The following ABR variants were observed in gnomAD, a reference collection of about 807,000 sequenced individuals.
The protein encoded by ABR is active breakpoint cluster region-related protein.
In ABR, 35 loss-of-function variants were observed where a neutral mutation model predicts 107.2. The observed-to-expected ratio is 0.33, with a 90% confidence interval of 0.25 to 0.43. The LOEUF is 0.43. Among genes scored for constraint, ABR ranks in the 20% least tolerant of loss-of-function variants. The pLI is 1.00. For synonymous variants in ABR, 498 were observed against 462.0 expected, an observed-to-expected ratio of 1.08 and a Z score of -1.00; for missense variants, 815 against 1,115.2, an observed-to-expected ratio of 0.73 and a Z score of 3.83.
At chr17:1,190,580 C>T (rs1367641781), upstream of ABR, among the ~76,000 whole-genome samples, 5 of 152,182 alleles carry the variant, frequency 3.3e-5, no homozygotes, top group African/African-American at 1.2e-4. Context: ...GTGGAGGTTG[C>T]AGTGAGCTGA....
chr17:1,042,612 G>A (rs2030811202), intron 16 of ABR, among the ~76,000 whole-genome samples: 1 of 142,488 alleles, frequency 7.0e-6, no homozygotes, highest in South Asian at 2.4e-4. Flanking sequence ...TGGACGAAGA[G>A]ACGTGGCACC....
chr17:1,061,259 G>A (rs933809734), intron 10 of ABR, among the ~76,000 whole-genome samples: 6 of 151,838 alleles, frequency 4.0e-5, no homozygotes, highest in African/African-American at 1.4e-4. Context: ...GAGGCAGCAA[G>A]CCTCCCAGGG....
intron 1 of ABR, among the ~76,000 whole-genome samples, chr17:1,138,388 T>C (rs1275580200): frequency 6.6e-6 from 1 of 152,200 alleles, no homozygotes. Context: ...ATCTGGGTGT[T>C]AGTTACACAA....
chr17:1,016,917 C>A (rs1219986307), intron 16 of ABR, among the ~76,000 whole-genome samples: 4 of 152,110 alleles, frequency 2.6e-5, no homozygotes, highest in Non-Finnish European at 4.4e-5. Flanking sequence ...GGAAGGGAAA[C>A]TGGATCTGGG....
intron 16 of ABR, among the ~76,000 whole-genome samples, chr17:1,016,684 C>A (rs888366867): frequency 2.0e-5 from 3 of 152,036 alleles, no homozygotes; most frequent in African/African-American, 7.3e-5. Flanking sequence ...GGGCCAAGCC[C>A]CGACAGCCAG....
At chr17:1,173,127 CCCCCCACACATCACCTCAGTCCA>C in intron 1 of ABR, among the ~76,000 whole-genome samples, 1 of 116,822 alleles carries the variant, frequency 8.6e-6, no homozygotes, top group African/African-American at 3.4e-5. Flanking sequence ...CCTCAGTCCA[CCCCCCACACATCACCTCAGTCCA>C]CCCCCCACAC....
chr17:1,099,367 C>T (rs974875719), intron 3 of ABR, among the ~76,000 whole-genome samples: 4 of 152,174 alleles, frequency 2.6e-5, no homozygotes, highest in Admixed American at 6.5e-5. Context: ...TGAGCCACGG[C>T]GCCCGGCCTG....
intron 1 of ABR, among the ~76,000 whole-genome samples, chr17:1,221,409 A>G (rs1270731418): frequency 6.6e-6 from 1 of 152,162 alleles, no homozygotes; most frequent in Non-Finnish European, 1.5e-5. Flanking sequence ...GCTATTTCGG[A>G]CCAGGAGGTG....
intron 16 of ABR, chr17:1,039,564 T>G (rs1444199785): frequency 6.6e-6 from 1 of 151,986 alleles, no homozygotes. Flanking sequence ...CAGGTGGGAG[T>G]CTGGGCTGGA....
In ABR at chr17:1,005,862, G is replaced by A. The variant is rs1215997596; in HGVS notation, c.*218C>T. 3 of 600,964 alleles carry A rather than the reference G, an allele frequency of 5.0e-6. No homozygotes were observed. Among genetic ancestry groups the A allele is most frequent in the South Asian group, 1.9e-5 (1 of 51,806 alleles). The allele number at this position is 600,964 out of a possible 1,614,324, so 37.2% of individuals were successfully genotyped here. A position where few individuals can be genotyped will look rare whatever the true frequency, so the allele number is the denominator to read the frequency against. On this transcript the variant is annotated 3_prime_UTR_variant, in exon 23 of 23. Transcript: ENST00000302538. ...CATCAGACACAACTAGAGGTATGGA[G>A]GGCAGGAGGTGGGATGCGGTGGTGA...
chr17:1,139,532 G>A (rs993148618), intron 1 of ABR, among the ~76,000 whole-genome samples: 59 of 151,302 alleles, frequency 3.9e-4, no homozygotes, highest in South Asian at 1.3e-3. Context: ...GATTACAGGC[G>A]TGAGCCACCG....
intron 2 of ABR, among the ~76,000 whole-genome samples, chr17:1,101,786 T>G (rs976163409): frequency 6.6e-6 from 1 of 150,640 alleles, no homozygotes; most frequent in African/African-American, 2.4e-5. Flanking sequence ...CAGGCTAGAG[T>G]GCAGTGGCGC....
rs575451784 is a variant in ABR, at chr17:1,086,432, C to T, written c.532-2805G>A. ...CGAACATGGGTTGAACTGTAAAATA[C>T]GATTGCTGACAAGCTCCAAAACGAA... On this transcript the variant is annotated intron_variant, in intron 4 of 22. Coordinates refer to ENST00000302538, the MANE Select transcript of ABR (RefSeq NM_021962.5). Among the ~76,000 whole-genome samples the T allele has an allele frequency of 6.8e-4, 103 of 151,896 alleles. 2 individuals carry two copies. The highest frequency in any genetic ancestry group is 2.4e-3 in the African/African-American group (99 of 41,414).
chr17:1,227,060 G>A (rs1047131503), intron 1 of ABR, among the ~76,000 whole-genome samples: 2 of 152,188 alleles, frequency 1.3e-5, no homozygotes, highest in Non-Finnish European at 2.9e-5. Context: ...AGCCGTGAGT[G>A]CCAGACACGT....
chr17:1,068,504 G>A (rs992794517), intron 9 of ABR, among the ~76,000 whole-genome samples: 6 of 152,206 alleles, frequency 3.9e-5, no homozygotes, highest in Admixed American at 6.5e-5. Context: ...GATGGTAAAC[G>A]AGTCCCACAG....
At chr17:1,182,182 G>A (rs1004398634), upstream of ABR, 3 of 152,108 alleles carry the variant, frequency 2.0e-5, no homozygotes, top group African/African-American at 7.2e-5. Flanking sequence ...ACAGAACACC[G>A]ACTGTGTGCC....
intron 2 of ABR, among the ~76,000 whole-genome samples, chr17:1,102,233 C>T (rs946883230): frequency 1.3e-5 from 2 of 152,112 alleles, no homozygotes; most frequent in Non-Finnish European, 2.9e-5. Flanking sequence ...GCTTTCGGTT[C>T]GTTCTTTACC....
At chr17:1,132,764 G>C (rs564433885) in intron 1 of ABR, among the ~76,000 whole-genome samples, 2 of 152,224 alleles carry the variant, frequency 1.3e-5, no homozygotes, top group South Asian at 4.1e-4. Flanking sequence ...ATTTAAAAGA[G>C]AACTACAAAT....
chr17:1,036,396 C>T (rs773615543), intron 16 of ABR, among the ~76,000 whole-genome samples: 2 of 151,908 alleles, frequency 1.3e-5, no homozygotes, highest in African/African-American at 2.4e-5. Context: ...CACTCCCTCT[C>T]TCAGCACCAG....
Sources: gnomAD v4.1 joint callset for allele counts (sites outside exome capture counted in the v4.1 genomes callset) on GRCh38, gnomAD v4.1.1 for gene constraint, MANE v1.5 for transcripts, NCBI Gene and HGNC (gene_info 2026-07-23, HGNC 2026-07-21) for gene names.